Variants in MAML2 observed in about 807,000 individuals in gnomAD.
MAML2 encodes mastermind like transcriptional coactivator 2, also known as mastermind-like protein 2.
Under a neutral mutation model 96.1 loss-of-function variants are expected in MAML2, and 22 were observed. That is an observed-to-expected ratio of 0.23 (90% CI 0.16 to 0.33). MAML2 has a LOEUF of 0.33. Among genes scored for constraint, MAML2 ranks in the 10% least tolerant of loss-of-function variants. MAML2 has a pLI of 1.00. For missense variants in MAML2, 1,367 were observed against 1,392.4 expected (o/e 0.98, Z 0.29); for synonymous variants, 561 against 521.3 (o/e 1.08, Z -1.04).
intron 1 of MAML2, among the ~76,000 whole-genome samples, chr11:96,210,355 C>T (rs1382235190): frequency 6.6e-6 from 1 of 152,106 alleles, no homozygotes; most frequent in Admixed American, 6.6e-5. Context: ...GTGATCTGCC[C>T]ACCTCGGCCT....
At chr11:96,164,931 T>C (rs1349273948) in intron 1 of MAML2, among the ~76,000 whole-genome samples, 1 of 152,212 alleles carries the variant, frequency 6.6e-6, no homozygotes, top group Non-Finnish European at 1.5e-5. Context: ...ATAAATGTCT[T>C]AGTGGCCAGA....
At chr11:96,028,873 C>T (rs980078705) in intron 2 of MAML2, among the ~76,000 whole-genome samples, 2 of 152,174 alleles carry the variant, frequency 1.3e-5, no homozygotes, top group African/African-American at 4.8e-5. Context: ...TAGTAACATC[C>T]TATATTCTTA....
At chr11:96,088,174 A>C (rs1415315518) in intron 2 of MAML2, among the ~76,000 whole-genome samples, 1 of 152,204 alleles carries the variant, frequency 6.6e-6, no homozygotes, top group Non-Finnish European at 1.5e-5. Flanking sequence ...TGAGGTTATT[A>C]ATATATGATT....
chr11:96,194,368 G>A (rs888188749), intron 1 of MAML2, among the ~76,000 whole-genome samples: 4 of 152,150 alleles, frequency 2.6e-5, no homozygotes, highest in African/African-American at 9.7e-5. Context: ...AGTGTTTAGA[G>A]AACTCTCCAG....
chr11:96,055,499 C>G (rs576869862), intron 2 of MAML2, among the ~76,000 whole-genome samples: 2 of 152,270 alleles, frequency 1.3e-5, no homozygotes, highest in African/African-American at 4.8e-5. Flanking sequence ...GCATAGTTAC[C>G]ATACAGAGCC....
intron 1 of MAML2, among the ~76,000 whole-genome samples, chr11:96,304,698 C>A (rs1480340723): frequency 6.6e-6 from 1 of 152,146 alleles, no homozygotes; most frequent in Non-Finnish European, 1.5e-5. Flanking sequence ...TGAATGTATT[C>A]ATATAAACTC....
At chr11:96,289,866 C>G (rs1478487228) in intron 1 of MAML2, among the ~76,000 whole-genome samples, 1 of 151,936 alleles carries the variant, frequency 6.6e-6, no homozygotes, top group Non-Finnish European at 1.5e-5. Flanking sequence ...TTTTGATTAC[C>G]AAATGCCCAC....
rs1262869974 is a variant in MAML2, at chr11:96,167,292, C to T, written c.514-73775G>A. On this transcript the variant is annotated intron_variant, in intron 1 of 4. Coordinates refer to ENST00000524717, the MANE Select transcript of MAML2 (RefSeq NM_032427.4). ...CCTTTTCTATTCCTGTTGGCCTGTG[C>T]GGTAGCTCAGACCTTCCAAATCTCT... Among the ~76,000 whole-genome samples, 10 of 151,066 alleles carry T rather than the reference C, an allele frequency of 6.6e-5. No homozygotes were observed. The Admixed American group carries it at 6.6e-4, about 10-fold the overall frequency.
intron 4 of MAML2, among the ~76,000 whole-genome samples, chr11:95,983,293 A>T (rs1424445226): frequency 2.0e-4 from 30 of 152,208 alleles, no homozygotes; most frequent in Admixed American, 2.0e-3. Flanking sequence ...TTTTTAAAAA[A>T]TTTTAAGTGA....
chr11:96,260,739 C>T (rs1862737906), intron 1 of MAML2, among the ~76,000 whole-genome samples: 1 of 151,496 alleles, frequency 6.6e-6, no homozygotes, highest in Admixed American at 6.6e-5. Flanking sequence ...GGAAAAATCC[C>T]TATTTGTAAT....
intron 1 of MAML2, among the ~76,000 whole-genome samples, chr11:96,097,399 C>T (rs1344035848): frequency 6.6e-6 from 1 of 151,994 alleles, no homozygotes; most frequent in Non-Finnish European, 1.5e-5. Context: ...CACTGTGGAC[C>T]TTTTGGGTGG....
chr11:96,271,149 C>G (rs1200347859), intron 1 of MAML2, among the ~76,000 whole-genome samples: 2 of 152,202 alleles, frequency 1.3e-5, no homozygotes, highest in Non-Finnish European at 2.9e-5. Flanking sequence ...CTTTGAGGTT[C>G]GGGACTTGGA....
chr11:96,148,011 A>G (rs1265870847), intron 1 of MAML2, among the ~76,000 whole-genome samples: 1 of 152,222 alleles, frequency 6.6e-6, no homozygotes, highest in Non-Finnish European at 1.5e-5. Flanking sequence ...CCAGCATTCC[A>G]GATAGAAATA....
At chr11:95,981,015 C>T (rs1213636892) in intron 4 of MAML2, among the ~76,000 whole-genome samples, 2 of 152,146 alleles carry the variant, frequency 1.3e-5, no homozygotes, top group Non-Finnish European at 2.9e-5. Flanking sequence ...TTGGGAAGTT[C>T]GTGCCATTTG....
At chr11:96,112,830 T>C (rs1005147695) in intron 1 of MAML2, among the ~76,000 whole-genome samples, 1 of 152,166 alleles carries the variant, frequency 6.6e-6, no homozygotes, top group Non-Finnish European at 1.5e-5. Context: ...GTGGCTTAAT[T>C]GAAAGTGTTT....
In MAML2 at chr11:95,979,260, C is replaced by A. The variant is rs900920700; in HGVS notation, c.3159G>T (p.Gln1053His). 3 of 1,613,836 alleles carry A rather than the reference C, an allele frequency of 1.9e-6. No individual in the cohort carries two copies. In the African/African-American group the frequency reaches 4.0e-5, roughly 22 times the overall value. The part of the protein sequence containing the change: ...PLRGLNLRPN[Q>H]LSTQILPNLN... ...AATTAGGCAAAATCTGTGTGCTTAG[C>A]TGATTGGGTCTGAGATTCAGACCCC... is the stretch of plus-strand genomic sequence containing the variant. Residue 1053 changes from glutamine (Q) to histidine (H), a missense_variant, in exon 5 of 5, where the codon CAG becomes CAT. Coordinates refer to ENST00000524717, the MANE Select transcript of MAML2 (RefSeq NM_032427.4).
At chr11:96,103,081 C>T (rs1428040841) in intron 1 of MAML2, among the ~76,000 whole-genome samples, 1 of 152,132 alleles carries the variant, frequency 6.6e-6, no homozygotes, top group Admixed American at 6.5e-5. Flanking sequence ...ACCTCAAGGT[C>T]CATCCTACTT....
chr11:96,263,632 G>C (rs1272897139), intron 1 of MAML2, among the ~76,000 whole-genome samples: 13 of 152,174 alleles, frequency 8.5e-5, no homozygotes, highest in Admixed American at 5.9e-4. Flanking sequence ...AGATAGTTCT[G>C]AAAGAAAGGA....
chr11:96,290,215 A>G (rs1863190524), intron 1 of MAML2, among the ~76,000 whole-genome samples: 2 of 152,188 alleles, frequency 1.3e-5, no homozygotes, highest in South Asian at 4.1e-4. Flanking sequence ...TCTCACTCCC[A>G]GGTAATAAGC....
Sources: gnomAD v4.1 joint callset for allele counts (sites outside exome capture counted in the v4.1 genomes callset) on GRCh38, gnomAD v4.1.1 for gene constraint, MANE v1.5 for transcripts, NCBI Gene and HGNC (gene_info 2026-07-23, HGNC 2026-07-21) for gene names.